ANKHD1: variants seen among roughly 807,000 people sequenced by gnomAD.
ANKHD1 encodes ankyrin repeat and KH domain-containing protein 1.
ANKHD1 carries 31 observed loss-of-function variants against 230.5 expected under a neutral mutation model. The ratio of observed to expected loss-of-function variants is 0.13; its 90% CI spans 0.10 to 0.18. ANKHD1 has a LOEUF of 0.18. Ranked by LOEUF, ANKHD1 falls within the 10% of genes least tolerant of loss-of-function variation. The probability of loss-of-function intolerance (pLI) is 1.00; values close to 1 mark genes in which losing one functional copy is unlikely to be tolerated. For synonymous variants in ANKHD1, 1,074 were observed against 1,117.6 expected, an observed-to-expected ratio of 0.96 and a Z score of 0.78; for missense variants, 2,256 against 3,071.3, an observed-to-expected ratio of 0.73 and a Z score of 6.27.
In ANKHD1 at chr5:140,485,251, A is replaced by T. The variant is rs1164027643; in HGVS notation, c.1998+3A>T. On this transcript the variant is annotated splice_donor_region_variant and intron_variant, in intron 12 of 33. Coordinates refer to ENST00000360839, the MANE Select transcript of ANKHD1 (RefSeq NM_017747.3). This position sits in a 1 kb window ranked among gnomAD's most constrained non-coding sequence, Gnocchi z 4.8. ...CTGACCCTACTCATCGACTCAAGGT[A>T]GTCTACTTAAAAATAAGTAAACAGG... is the stretch of plus-strand genomic sequence containing the variant. The T allele has an allele frequency of 1.2e-6, 2 of 1,607,948 alleles. No homozygotes were observed. The highest frequency in any genetic ancestry group is 1.7e-6 in the Non-Finnish European group (2 of 1,175,574).
At chr5:140,463,339 T>C (rs1025203829) in intron 9 of ANKHD1, among the ~76,000 whole-genome samples, 3 of 152,156 alleles carry the variant, frequency 2.0e-5, no homozygotes, top group Non-Finnish European at 2.9e-5. Context: ...TCTCTGATAG[T>C]TTCCTTGCTT....
At chr5:140,514,429 G>A (rs964436662) in intron 24 of ANKHD1, among the ~76,000 whole-genome samples, 6 of 151,952 alleles carry the variant, frequency 3.9e-5, no homozygotes, top group Non-Finnish European at 7.4e-5. Context: ...AGGAGGCAGA[G>A]GTTGCAGTGA....
chr5:140,537,424 G>C lies in ANKHD1; in HGVS notation c.7063G>C (p.Gly2355Arg). The stretch of plus-strand genomic sequence containing the variant: ...CCCACCAACGTTGGGCCAACCAAAA[G>C]GAGTCAGTGCCAGTCAAGATCGAAA... ...SAPPTLGQPK[G>R]VSASQDRKIP... is the part of the protein sequence containing the mutation. The change falls in exon 31 of 34, where the codon GGA (glycine) becomes CGA (arginine). Residue 2355 changes from glycine (G) to arginine (R), a missense_variant. Around this residue, in one of 13 missense-constraint regions of ANKHD1, gnomAD observed 778 missense variants for 966.5 expected, o/e 0.80. Transcript: ENST00000360839. 1 of 1,614,144 alleles carries C rather than the reference G, an allele frequency of 6.2e-7. No homozygotes were observed. Among genetic ancestry groups the C allele is most frequent in the Admixed American group, 1.7e-5 (1 of 60,004 alleles).
chr5:140,427,270 G>C (rs1772526653), intron 1 of ANKHD1, among the ~76,000 whole-genome samples: 1 of 147,420 alleles, frequency 6.8e-6, no homozygotes, highest in Non-Finnish European at 1.5e-5. Flanking sequence ...GGCCGGGCGG[G>C]GGGCTGACCC....
intron 24 of ANKHD1, among the ~76,000 whole-genome samples, chr5:140,520,273 G>A (rs1753265271): frequency 6.6e-6 from 1 of 151,804 alleles, no homozygotes; most frequent in Non-Finnish European, 1.5e-5. Flanking sequence ...AAAAAGTCAG[G>A]AAACAACAGG....
At chr5:140,505,418 G>A (rs753702146) in intron 17 of ANKHD1, among the ~76,000 whole-genome samples, 185 bp downstream of exon 17, 15 of 152,184 alleles carry the variant, frequency 9.9e-5, no homozygotes, top group African/African-American at 2.7e-4. Context: ...AAAATTAGAC[G>A]TAGATCATTA....
chr5:140,482,709 T>A, intron 11 of ANKHD1, 42 bp downstream of exon 11: 1 of 1,592,816 alleles, frequency 6.3e-7, no homozygotes, highest in Non-Finnish European at 8.5e-7. Flanking sequence ...GGCTACAGTT[T>A]ATGGAAAAAA....
chr5:140,457,525 TA>T (rs1189279725), intron 7 of ANKHD1, among the ~76,000 whole-genome samples: 1 of 151,982 alleles, frequency 6.6e-6, no homozygotes, highest in Non-Finnish European at 1.5e-5. Context: ...TATGCAGCCA[TA>T]AAAAAGGATG....
intron 1 of ANKHD1, among the ~76,000 whole-genome samples, chr5:140,412,061 A>T (rs2337208): frequency 0.15 from 21,971 of 151,356 alleles, 2,085 homozygotes; most frequent in Non-Finnish European, 0.19. Flanking sequence ...ATTTTTTCCG[A>T]CACACAGTCT....
At chr5:140,500,902 A>C (rs1017035321) in intron 15 of ANKHD1, among the ~76,000 whole-genome samples, 5 of 151,816 alleles carry the variant, frequency 3.3e-5, no homozygotes, top group Admixed American at 1.3e-4. Flanking sequence ...ACAGTTTTTG[A>C]CTTTTTACTA....
Position 140,508,434 on chromosome 5 carries a change from C to G in ANKHD1, c.3765+436C>G, listed in dbSNP as rs142118746. On this transcript the variant is annotated intron_variant, in intron 20 of 33. Transcript: ENST00000360839. The stretch of plus-strand genomic sequence containing the variant: ...TGACCATGGCAGATTTTGACAGTTT[C>G]ATGACTATTTGGTATTAAGAAAATA... 2.0e-3 allele frequency among the ~76,000 whole-genome samples: 309 copies of G among 152,208 alleles called. 3 individuals carry two copies. Among genetic ancestry groups the G allele is most frequent in the East Asian group, 0.019 (100 of 5,184 alleles).
intron 10 of ANKHD1, among the ~76,000 whole-genome samples, chr5:140,478,060 A>C (rs942026511): frequency 6.6e-6 from 1 of 152,208 alleles, no homozygotes; most frequent in Non-Finnish European, 1.5e-5. Flanking sequence ...TCTGTATATC[A>C]ACATATTAAA....
intron 24 of ANKHD1, among the ~76,000 whole-genome samples, chr5:140,519,633 A>C (rs529177725): frequency 3.3e-5 from 5 of 152,320 alleles, no homozygotes; most frequent in Admixed American, 6.5e-5. Flanking sequence ...GCATGTCTAC[A>C]ACTATCTGAT....
At chr5:140,458,970 ATATATATATG>A (rs1775455686) in intron 8 of ANKHD1, 108 bp downstream of exon 8, 4 of 23,196 alleles carry the variant, frequency 1.7e-4, no homozygotes, top group East Asian at 1.4e-3. Flanking sequence ...ATATATATAT[ATATATATATG>A]CATATATATA....
intron 14 of ANKHD1, among the ~76,000 whole-genome samples, chr5:140,495,395 G>A (rs1056915263): frequency 6.6e-6 from 1 of 151,826 alleles, no homozygotes. Context: ...ACAGGCACCC[G>A]CCACCATGCC....
chr5:140,508,298 A>G (rs1322229912), intron 20 of ANKHD1, among the ~76,000 whole-genome samples: 2 of 152,178 alleles, frequency 1.3e-5, no homozygotes, highest in Non-Finnish European at 2.9e-5. Context: ...TAACTCTTAC[A>G]CTGTAGACTT....
At position 140,487,051 on chromosome 5, in the gene ANKHD1, G is replaced by C; in HGVS notation, c.2236G>C (p.Val746Leu). ...SQENSPALLG[V>L]QKGTSKQKSS... ...GGAGAACTCTCCTGCCCTTTTAGGA[G>C]TGCAAAAAGGTTAGTTATTGAATTA... Residue 746 changes from valine (V) to leucine (L), a missense_variant, in exon 14 of 34, where the codon GTG (valine) becomes CTG (leucine). Physicochemically the swap from Val to Leu is conservative, Grantham distance 32 (BLOSUM62 1). Around this residue, in one of 13 missense-constraint regions of ANKHD1, gnomAD observed 358 missense variants for 397.7 expected, o/e 0.90. Transcript: ENST00000360839. 1 of 1,608,412 alleles carries C rather than the reference G, an allele frequency of 6.2e-7. No individual in the cohort carries two copies. The highest frequency in any genetic ancestry group is 8.5e-7 in the Non-Finnish European group (1 of 1,178,040).
chr5:140,474,739 G>A (rs1750871340), intron 10 of ANKHD1, among the ~76,000 whole-genome samples: 2 of 151,388 alleles, frequency 1.3e-5, no homozygotes, highest in African/African-American at 4.9e-5. Context: ...TAGGACTACA[G>A]GTATGCACCA....
intron 6 of ANKHD1, among the ~76,000 whole-genome samples, chr5:140,447,050 C>T (rs750826827): frequency 6.6e-6 from 1 of 152,110 alleles, no homozygotes; most frequent in Non-Finnish European, 1.5e-5. Flanking sequence ...GCTGGTATTA[C>T]AGGTGCATGC....
Sources: allele counts gnomAD v4.1 joint callset (sites outside exome capture counted in the v4.1 genomes callset), GRCh38; gene constraint gnomAD v4.1.1; regional missense constraint gnomAD v4.1.1; non-coding constraint Gnocchi (gnomAD v3.1); transcripts MANE v1.5; gene names NCBI Gene and HGNC (gene_info 2026-07-23, HGNC 2026-07-21).